The following SNTG1 variants were observed in gnomAD, a reference collection of about 807,000 sequenced individuals.
The protein encoded by SNTG1 is gamma-1-syntrophin.
In SNTG1, 39 loss-of-function variants were observed where a neutral mutation model predicts 74.7. That is an observed-to-expected ratio of 0.52 (90% CI 0.40 to 0.68). SNTG1 has a LOEUF of 0.68. SNTG1 is among the 30% of genes least tolerant of loss of function. SNTG1 has a pLI of 0.00. For missense variants in SNTG1, 685 were observed against 609.5 expected (o/e 1.12, Z -1.30); for synonymous variants, 254 against 217.1 (o/e 1.17, Z -1.49).
intron 2 of SNTG1, among the ~76,000 whole-genome samples, chr8:50,232,964 C>T (rs1489680095): frequency 6.6e-6 from 1 of 151,414 alleles, no homozygotes; most frequent in Non-Finnish European, 1.5e-5. Flanking sequence ...GATTATAACA[C>T]TCAAAATAGT....
At chr8:50,488,037 AG>A (rs2093814420) in intron 8 of SNTG1, among the ~76,000 whole-genome samples, 1 of 152,110 alleles carries the variant, frequency 6.6e-6, no homozygotes, top group African/African-American at 2.4e-5. Context: ...AAACAAATGG[AG>A]TCTTATTAAT....
At chr8:49,953,350 A>G (rs543841597) in intron 1 of SNTG1, among the ~76,000 whole-genome samples, 2 of 152,290 alleles carry the variant, frequency 1.3e-5, no homozygotes, top group African/African-American at 2.4e-5. Flanking sequence ...TTGGGGGGAA[A>G]CAGAGGATAA....
intron 2 of SNTG1, among the ~76,000 whole-genome samples, chr8:50,269,553 G>A (rs915602702): frequency 9.9e-5 from 15 of 151,752 alleles, no homozygotes; most frequent in Admixed American, 6.6e-4. Flanking sequence ...AAAAAGTTAA[G>A]GAAAAAAAAT....
In SNTG1 at chr8:50,070,146, A is replaced by G. The variant is rs563566852; in HGVS notation, c.-102-102415A>G. On this transcript the variant is annotated intron_variant, in intron 1 of 18. Transcript: ENST00000642720. ...TAATAAGGTATTTTAATGCAAATCA[A>G]TCTTTTTATAATATTTTGAGAAGAA... Among the ~76,000 whole-genome samples the G allele has an allele frequency of 5.8e-4, 88 of 152,312 alleles. 1 individual carries two copies. In the South Asian group the frequency reaches 0.018, roughly 31 times the overall value.
At chr8:50,674,519 A>T (rs2095300875) in intron 15 of SNTG1, among the ~76,000 whole-genome samples, 1 of 152,014 alleles carries the variant, frequency 6.6e-6, no homozygotes, top group African/African-American at 2.4e-5. Context: ...CAGTAGTGAT[A>T]TCCCCTTTAA....
chr8:50,220,342 T>C (rs2085002400), intron 2 of SNTG1, among the ~76,000 whole-genome samples: 1 of 152,110 alleles, frequency 6.6e-6, no homozygotes, highest in Non-Finnish European at 1.5e-5. Context: ...ACTGTCTACT[T>C]CCTGAAAAAT....
chr8:50,518,692 C>T (rs2094154339), intron 9 of SNTG1, among the ~76,000 whole-genome samples: 1 of 152,142 alleles, frequency 6.6e-6, no homozygotes, highest in African/African-American at 2.4e-5. Flanking sequence ...TGCAAATAAA[C>T]TAGAAAATCT....
intron 13 of SNTG1, among the ~76,000 whole-genome samples, chr8:50,624,387 T>C (rs138268722): frequency 6.2e-4 from 95 of 152,188 alleles, no homozygotes; most frequent in African/African-American, 2.1e-3. Flanking sequence ...TTGGCAGCTC[T>C]AAAGGAGAGT....
At chr8:49,979,320 G>T (rs1338126908) in intron 1 of SNTG1, among the ~76,000 whole-genome samples, 1 of 152,202 alleles carries the variant, frequency 6.6e-6, no homozygotes, top group Non-Finnish European at 1.5e-5. Context: ...CCCAGAGCAC[G>T]GATGGGCCCA....
chr8:50,702,831 TGA>T (rs1457217224), intron 15 of SNTG1, among the ~76,000 whole-genome samples: 1 of 152,188 alleles, frequency 6.6e-6, no homozygotes, highest in Non-Finnish European at 1.5e-5. Flanking sequence ...GTATAGCATA[TGA>T]CTGTATTGAA....
At chr8:50,302,827 G>T (rs1266865729) in intron 2 of SNTG1, among the ~76,000 whole-genome samples, 1 of 152,098 alleles carries the variant, frequency 6.6e-6, no homozygotes, top group African/African-American at 2.4e-5. Flanking sequence ...GTGAGCCAAA[G>T]AAACTTCTTT....
chr8:50,325,427 G>A (rs1193625495), intron 2 of SNTG1, among the ~76,000 whole-genome samples: 2 of 151,896 alleles, frequency 1.3e-5, no homozygotes, highest in Non-Finnish European at 2.9e-5. Flanking sequence ...TATAGATCTT[G>A]AACATTTTTA....
intron 2 of SNTG1, among the ~76,000 whole-genome samples, chr8:50,242,096 C>T (rs768100341): frequency 5.3e-5 from 8 of 151,196 alleles, no homozygotes; most frequent in South Asian, 2.1e-4. Context: ...CGTATATATA[C>T]GTATACATAT....
At chr8:50,055,999 G>A (rs1216315232) in intron 1 of SNTG1, among the ~76,000 whole-genome samples, 1 of 152,016 alleles carries the variant, frequency 6.6e-6, no homozygotes, top group Non-Finnish European at 1.5e-5. Context: ...GTTTTGAAGG[G>A]CTTGGAAGCA....
intron 18 of SNTG1, among the ~76,000 whole-genome samples, chr8:50,792,161 T>A (rs1038209548): frequency 1.3e-5 from 2 of 151,730 alleles, no homozygotes; most frequent in African/African-American, 4.8e-5. Context: ...AATTATTTTT[T>A]GAAAGTGAAC....
chr8:50,363,100 G>T (rs960299372), intron 2 of SNTG1, among the ~76,000 whole-genome samples: 1 of 152,012 alleles, frequency 6.6e-6, no homozygotes, highest in Non-Finnish European at 1.5e-5. Flanking sequence ...CTAAATAATG[G>T]TCTTTTTTTC....
chr8:50,361,717 T>C (rs374576524), intron 2 of SNTG1, among the ~76,000 whole-genome samples: 8 of 152,212 alleles, frequency 5.3e-5, no homozygotes, highest in African/African-American at 1.9e-4. Flanking sequence ...TTTATAATCT[T>C]ACGGGACCAC....
intron 15 of SNTG1, among the ~76,000 whole-genome samples, chr8:50,677,407 C>T: frequency 6.6e-6 from 1 of 151,876 alleles, no homozygotes; most frequent in Admixed American, 6.6e-5. Flanking sequence ...CATAACATAA[C>T]ATATCCTTAA....
At chr8:50,765,206 G>C (rs1375267418) in intron 18 of SNTG1, among the ~76,000 whole-genome samples, 1 of 152,046 alleles carries the variant, frequency 6.6e-6, no homozygotes, top group African/African-American at 2.4e-5. Flanking sequence ...TTATTACTGG[G>C]CCTTTGCAGG....
Sources: gnomAD v4.1 joint callset for allele counts (sites outside exome capture counted in the v4.1 genomes callset) on GRCh38, gnomAD v4.1.1 for gene constraint, MANE v1.5 for transcripts, NCBI Gene and HGNC (gene_info 2026-07-23, HGNC 2026-07-21) for gene names.